The following MELTF variants were observed in gnomAD, a reference collection of about 807,000 sequenced individuals.
The protein encoded by MELTF is melanotransferrin, also known as antigen p97 (melanoma associated) identified by monoclonal antibodies 133.2 and 96.5.
Under a neutral mutation model 83.7 loss-of-function variants are expected in MELTF, and 67 were observed. The observed-to-expected ratio is 0.80, with a 90% CI of 0.66 to 0.98. The LOEUF (loss-of-function observed/expected upper bound fraction) is 0.98, where lower values mean the gene tolerates loss of function less well. MELTF is among the 50% of genes least tolerant of loss of function. MELTF has a pLI of 0.00. For missense variants in MELTF, 1,002 were observed against 1,035.6 expected (o/e 0.97, Z 0.44); for synonymous variants, 462 against 447.6 (o/e 1.03, Z -0.41).
At position 197,009,578 on chromosome 3, in the gene MELTF, A is replaced by G. The variant is rs1412469347; in HGVS notation, c.1525+40T>C. On this transcript the variant is annotated intron_variant, in intron 11 of 15. Coordinates refer to ENST00000296350, the MANE Select transcript of MELTF (RefSeq NM_005929.6). The stretch of plus-strand genomic sequence containing the variant: ...TGCGGGTCCCTAGCTAACCCCAGAG[A>G]AGGCTTCCCCAGTCTGCGTTCCTAA... The G allele has an allele frequency of 1.9e-6, 3 of 1,574,862 alleles. No individual in the cohort carries two copies. The South Asian group carries it at 3.4e-5, about 18-fold the overall frequency.
Position 197,003,248 on chromosome 3 carries a change from G to C in MELTF, c.*124C>G. 1 of 1,000,144 alleles carries C rather than the reference G, an allele frequency of 1.0e-6. No individual in the cohort carries two copies. The highest frequency in any genetic ancestry group is 1.2e-6 in the Non-Finnish European group (1 of 836,024). 62.0% of individuals were successfully genotyped at this position (1,000,144 alleles called of 1,614,324 possible). ...GCGCCCGTGGGCGGCGGGGCTCCCG[G>C]GGAGGCGCCTGCTCCCGCCCACGCC... On this transcript the variant is annotated 3_prime_UTR_variant, in exon 16 of 16. Transcript: ENST00000296350. The surrounding 1 kb of genome is among the most constrained non-coding windows in gnomAD (Gnocchi z 6.2).
rs1719668585 is a variant in MELTF, at chr3:197,022,662, TG to T, written c.644+294del. ...ACCCCGCTCCCTGCTGGTCTGAGAA[TG>T]GGGACATGGGAGTGGCCAAAAGGCT... On this transcript the variant is annotated intron_variant, in intron 5 of 15. Coordinates refer to ENST00000296350, the MANE Select transcript of MELTF (RefSeq NM_005929.6). The surrounding 1 kb of genome is among the most constrained non-coding windows in gnomAD (Gnocchi z 5.1). Among the ~76,000 whole-genome samples, 1 of 152,122 alleles carries T rather than the reference TG, an allele frequency of 6.6e-6. No individual in the cohort carries two copies. The highest frequency in any genetic ancestry group is 2.4e-5 in the African/African-American group (1 of 41,424).
chr3:197,006,043 ACC>A lies in MELTF; in HGVS notation c.1938+504_1938+505del, dbSNP rs1431358488. 6.6e-6 allele frequency among the ~76,000 whole-genome samples: 1 copy of A among 151,992 alleles called. No individual in the cohort carries two copies. Among genetic ancestry groups the A allele is most frequent in the Admixed American group, 6.5e-5 (1 of 15,274 alleles). On this transcript the variant is annotated intron_variant, in intron 14 of 15. Transcript: ENST00000296350. This position sits in a 1 kb window ranked among gnomAD's most constrained non-coding sequence, Gnocchi z 5.4. ...AGACCATCCTGGCTAACACGGTGAA[ACC>A]CCTTCTCTACTAAAAAATAGAAAAA...
At position 197,003,946 on chromosome 3, in the gene MELTF, C is replaced by A. The variant is rs148977686; in HGVS notation, c.2092G>T (p.Val698Leu). 6.2e-7 allele frequency: 1 copy of A among 1,614,106 alleles called. No individual in the cohort carries two copies. Among genetic ancestry groups the A allele is most frequent in the East Asian group, 2.2e-5 (1 of 44,886 alleles). ...TYRGWLGLDY[V>L]AALEGMSSQQ... Reference sequence around the variant, plus strand: ...GACGACATCCCTTCCAGCGCCGCCACGTAGTCCAGCCCCAGCCAGCCGCGG... The same window carrying A: ...GACGACATCCCTTCCAGCGCCGCCAAGTAGTCCAGCCCCAGCCAGCCGCGG... The change falls in exon 15 of 16, where the codon GTG (valine) becomes TTG (leucine). Residue 698 changes from valine (V) to leucine (L), a missense_variant. Physicochemically the swap from Val to Leu is conservative, Grantham distance 32 (BLOSUM62 1). Coordinates refer to ENST00000296350, the MANE Select transcript of MELTF (RefSeq NM_005929.6). The surrounding 1 kb of genome is among the most constrained non-coding windows in gnomAD (Gnocchi z 6.2).
chr3:197,018,304 C>T (rs754351769), intron 6 of MELTF, among the ~76,000 whole-genome samples: 135 of 147,936 alleles, frequency 9.1e-4, no homozygotes, highest in Non-Finnish European at 1.6e-3. Flanking sequence ...CCCGCCACCA[C>T]GCCCGGCTAA....
intron 6 of MELTF, chr3:197,019,157 C>T: frequency 1.0e-6 from 1 of 989,640 alleles, no homozygotes; most frequent in Non-Finnish European, 1.2e-6. Flanking sequence ...TAGTTTACAG[C>T]ACTGTTAATG....
intron 11 of MELTF, 66 bp downstream of exon 11, chr3:197,009,552 C>G: frequency 6.7e-7 from 1 of 1,498,344 alleles, no homozygotes; most frequent in Non-Finnish European, 9.1e-7. Flanking sequence ...CCCCAACAGG[C>G]TGCGGGTCCC....
In MELTF at chr3:197,022,868, G is replaced by A; in HGVS notation, c.644+89C>T. The A allele has an allele frequency of 1.6e-6, 2 of 1,289,424 alleles. No individual in the cohort carries two copies. Among genetic ancestry groups the A allele is most frequent in the Non-Finnish European group, 2.2e-6 (2 of 926,146 alleles). The allele number at this position is 1,289,424 out of a possible 1,614,324, so 79.9% of individuals were successfully genotyped here. A position where few individuals can be genotyped will look rare whatever the true frequency, so the allele number is the denominator to read the frequency against. ...CCAACATGCCACTTCCCCCTCCACG[G>A]CCCTCTCTGGGCAAAGGTGTTTTTC... On this transcript the variant is annotated intron_variant, in intron 5 of 15. Transcript: ENST00000296350. The surrounding 1 kb of genome is among the most constrained non-coding windows in gnomAD (Gnocchi z 5.1).
chr3:197,017,793 T>C lies in MELTF; in HGVS notation c.713-503A>G, dbSNP rs377707167. On this transcript the variant is annotated intron_variant, in intron 6 of 15. Transcript: ENST00000296350. Reference sequence around the variant, plus strand: ...TGGGGAGGCTGAGGCAGGAGAATGGTGTGAACCTGGGAGGCGGAGCTTGCA... The same window carrying C: ...TGGGGAGGCTGAGGCAGGAGAATGGCGTGAACCTGGGAGGCGGAGCTTGCA... Among the ~76,000 whole-genome samples, 84 of 152,016 alleles carry C rather than the reference T, an allele frequency of 5.5e-4. 1 individual carries two copies. The South Asian group carries it at 7.5e-3, about 14-fold the overall frequency.
intron 10 of MELTF, among the ~76,000 whole-genome samples, chr3:197,010,160 C>T (rs1719137024): frequency 6.6e-6 from 1 of 152,256 alleles, no homozygotes; most frequent in African/African-American, 2.4e-5. Flanking sequence ...GAAGCATTTT[C>T]CTACAGCCCA....
In MELTF at chr3:197,021,570, T is replaced by C. The variant is rs760258627; in HGVS notation, c.645-99A>G. 33 of 1,070,008 alleles carry C rather than the reference T, an allele frequency of 3.1e-5. No homozygotes were observed. The African/African-American group carries it at 4.5e-4, about 15-fold the overall frequency. 66.3% of individuals were successfully genotyped at this position (1,070,008 alleles called of 1,614,324 possible). Reference sequence around the variant, plus strand: ...GCTTGGGCTGTAGGGGTGGCCATGATGGGCATGGGCTTTCCAGTTGTGTGG... The same window carrying C: ...GCTTGGGCTGTAGGGGTGGCCATGACGGGCATGGGCTTTCCAGTTGTGTGG... On this transcript the variant is annotated intron_variant, in intron 5 of 15. Coordinates refer to ENST00000296350, the MANE Select transcript of MELTF (RefSeq NM_005929.6).
Position 197,026,704 on chromosome 3 carries a change from T to C in MELTF, c.260A>G (p.Lys87Arg), listed in dbSNP as rs533520857. Residue 87 changes from lysine to arginine, a missense_variant, in exon 3 of 16, where the codon AAG becomes AGG. Coordinates refer to ENST00000296350, the MANE Select transcript of MELTF (RefSeq NM_005929.6). The part of the protein sequence containing the change: ...LDGGAIYEAG[K>R]EHGLKPVVGE... Reference sequence around the variant, plus strand: ...CACCACCGGCTTCAGGCCGTGCTCCTTTCCCGCCTCATAGATGGCTCCTCC... The same window carrying C: ...CACCACCGGCTTCAGGCCGTGCTCCCTTCCCGCCTCATAGATGGCTCCTCC... The C allele has an allele frequency of 1.2e-6, 2 of 1,613,538 alleles. No homozygotes were observed. Among genetic ancestry groups the C allele is most frequent in the South Asian group, 2.2e-5 (2 of 91,092 alleles).
At position 197,024,453 on chromosome 3, in the gene MELTF, C is replaced by T. The variant is rs757083381; in HGVS notation, c.337G>A (p.Val113Ile). ...VGTSYYAVAV[V>I]RRSSHVTIDT... ...ATGGTCACATGGGAGCTCCTCCTGACCACAGCCACGGCGTAATAGGAGGTA... is the reference window on the plus strand; with the variant it reads ...ATGGTCACATGGGAGCTCCTCCTGATCACAGCCACGGCGTAATAGGAGGTA... Residue 113 changes from valine (V) to isoleucine (I), a missense_variant, in exon 4 of 16, where the codon GTC becomes ATC. Physicochemically the swap from Val to Ile is conservative, Grantham distance 29. Transcript: ENST00000296350. The surrounding 1 kb of genome is among the most constrained non-coding windows in gnomAD (Gnocchi z 5.3). 1 of 1,603,058 alleles carries T rather than the reference C, an allele frequency of 6.2e-7. No individual in the cohort carries two copies. The highest frequency in any genetic ancestry group is 8.5e-7 in the Non-Finnish European group (1 of 1,172,658).
chr3:197,021,273 A>T, intron 6 of MELTF, 131 bp downstream of exon 6: 1 of 787,734 alleles, frequency 1.3e-6, no homozygotes, highest in African/African-American at 1.7e-5. Context: ...GACTTGTCCA[A>T]GGTCACCCAG....
intron 9 of MELTF, 51 bp downstream of exon 9, chr3:197,015,314 C>A: frequency 1.3e-6 from 2 of 1,520,864 alleles, no homozygotes; most frequent in Non-Finnish European, 1.8e-6. Flanking sequence ...ACTGCCCAGG[C>A]ACTGCCACCA....
rs1466161035 is a variant in MELTF at position 197,024,265 on chromosome 3, A to G, written c.487+38T>C. On this transcript the variant is annotated intron_variant, in intron 4 of 15. Transcript: ENST00000296350. The surrounding 1 kb of genome is among the most constrained non-coding windows in gnomAD (Gnocchi z 5.3). Reference sequence around the variant, plus strand: ...AGCATGGGCCAAGGAAAGGAGGGGGAGGCCTGGGGACCCTCCTGCCCAGCC... The same window carrying G: ...AGCATGGGCCAAGGAAAGGAGGGGGGGGCCTGGGGACCCTCCTGCCCAGCC... The G allele has an allele frequency of 2.0e-6, 3 of 1,505,854 alleles. No individual in the cohort carries two copies. Among genetic ancestry groups the G allele is most frequent in the Non-Finnish European group, 2.7e-6 (3 of 1,121,954 alleles). The allele number at this position is 1,505,854 out of a possible 1,614,324, so 93.3% of individuals were successfully genotyped here. A position where few individuals can be genotyped will look rare whatever the true frequency, so the allele number is the denominator to read the frequency against.
intron 6 of MELTF, 56 bp from the exon 7 acceptor site, chr3:197,017,346 C>T (rs866402686): frequency 7.5e-5 from 107 of 1,430,238 alleles, no homozygotes; most frequent in Non-Finnish European, 8.5e-5. Flanking sequence ...GGGCGGGTGG[C>T]GGGGAAGGCC....
rs570387511 is a variant in MELTF at position 197,011,441 on chromosome 3, C to G, written c.1234-647G>C. Among the ~76,000 whole-genome samples, 1 of 152,206 alleles carries G rather than the reference C, an allele frequency of 6.6e-6. No individual in the cohort carries two copies. The highest frequency in any genetic ancestry group is 1.5e-5 in the Non-Finnish European group (1 of 68,030). ...TCCCAGGACCCCGCCAAGGGGCTAA[C>G]TGGTAACAGAGCCATAGTAGTGTGA... On this transcript the variant is annotated intron_variant, in intron 9 of 15. Transcript: ENST00000296350. This position sits in a 1 kb window ranked among gnomAD's most constrained non-coding sequence, Gnocchi z 4.2.
In MELTF at chr3:197,017,604, G is replaced by A. The variant is rs150870056; in HGVS notation, c.713-314C>T. On this transcript the variant is annotated intron_variant, in intron 6 of 15. Transcript: ENST00000296350. ...AGAAAATAAGAAAGGCTGGCCGGGCGTGGTGGCTCACGCCTGTAATCCCAG... is the reference window on the plus strand; with the variant it reads ...AGAAAATAAGAAAGGCTGGCCGGGCATGGTGGCTCACGCCTGTAATCCCAG... Among the ~76,000 whole-genome samples, 286 of 152,362 alleles carry A rather than the reference G, an allele frequency of 1.9e-3. 2 individuals carry two copies. Among genetic ancestry groups the A allele is most frequent in the African/African-American group, 5.7e-3 (236 of 41,588 alleles).
Sources: allele counts gnomAD v4.1 joint callset (sites outside exome capture counted in the v4.1 genomes callset), GRCh38; gene constraint gnomAD v4.1.1; non-coding constraint Gnocchi (gnomAD v3.1); transcripts MANE v1.5; gene names NCBI Gene and HGNC (gene_info 2026-07-23, HGNC 2026-07-21).